The following OR14A2 variants were observed in gnomAD, a reference collection of about 807,000 sequenced individuals.
OR14A2 encodes olfactory receptor 14A2.
For missense variants in OR14A2, 237 were observed against 152.9 expected (o/e 1.55, Z -2.90); for synonymous variants, 114 against 58.6 (o/e 1.95, Z -4.32).
chr1:247,746,435 G>A, the OR14A2 span: 1 of 152,196 alleles, frequency 6.6e-6, no homozygotes, highest in Non-Finnish European at 1.5e-5. Flanking sequence ...TTATAAAGAA[G>A]AGAACCATGC....
the OR14A2 span, among the ~76,000 whole-genome samples, chr1:247,740,333 TTTAAC>T: frequency 5.3e-5 from 8 of 152,208 alleles, no homozygotes; most frequent in Non-Finnish European, 1.2e-4. Context: ...AAGTTGTAAT[TTTAAC>T]TTAAAGTTAT....
chr1:247,741,699 C>T, the OR14A2 span, among the ~76,000 whole-genome samples: 1 of 152,138 alleles, frequency 6.6e-6, no homozygotes, highest in Non-Finnish European at 1.5e-5. Flanking sequence ...TGCTGTTTTA[C>T]ATTCAAACCA....
At chr1:247,742,749 A>G in the OR14A2 span, among the ~76,000 whole-genome samples, 1 of 152,246 alleles carries the variant, frequency 6.6e-6, no homozygotes, top group African/African-American at 2.4e-5. Context: ...TGTGGAAATA[A>G]TGATTTGAGA....
At chr1:247,723,387 G>T (rs1468228025) in exon 1 of OR14A2, 1 of 717,554 alleles carries the variant, frequency 1.4e-6, no homozygotes, top group Admixed American at 2.0e-5. Flanking sequence ...CAGTGGAGAA[G>T]ATATAAATGT....
At chr1:247,736,772 T>C in the OR14A2 span, among the ~76,000 whole-genome samples, 1 of 152,122 alleles carries the variant, frequency 6.6e-6, no homozygotes, top group East Asian at 1.9e-4. Context: ...CCAGGTTTTA[T>C]TCCCCAGCAG....
the OR14A2 span, among the ~76,000 whole-genome samples, chr1:247,740,898 G>A: frequency 1.3e-5 from 2 of 152,174 alleles, no homozygotes; most frequent in African/African-American, 4.8e-5. Context: ...CTGAGACTGA[G>A]CATCTTTTTG....
the OR14A2 span, chr1:247,739,555 G>T: frequency 2.6e-6 from 2 of 771,654 alleles, no homozygotes; most frequent in Non-Finnish European, 4.8e-6. Context: ...GTAATGAAAA[G>T]ATGACTAAAG....
chr1:247,747,551 A>G, the OR14A2 span, among the ~76,000 whole-genome samples: 3 of 151,652 alleles, frequency 2.0e-5, no homozygotes, highest in Admixed American at 1.3e-4. Flanking sequence ...TTTGGTAGAG[A>G]GGGGGTTTCG....
the OR14A2 span, among the ~76,000 whole-genome samples, chr1:247,733,247 G>A: frequency 0.24 from 36,102 of 152,018 alleles, 6,878 homozygotes; most frequent in African/African-American, 0.53. Context: ...TTCCATAATA[G>A]TGGACTAAAG....
At chr1:247,723,685 C>T (rs1472988107) in exon 1 of OR14A2, 8 of 718,456 alleles carry the variant, frequency 1.1e-5, no homozygotes, top group South Asian at 3.0e-5. Context: ...GGCTACATAG[C>T]GGTCATAGGA....
At chr1:247,739,451 A>C in the OR14A2 span, 1 of 780,728 alleles carries the variant, frequency 1.3e-6, no homozygotes, top group East Asian at 2.4e-5. Flanking sequence ...ATTCTGTCGC[A>C]CCTCCAACCT....
upstream of OR14A2, among the ~76,000 whole-genome samples, chr1:247,725,512 TATTTTTTATTTATTTA>T (rs1158059428): frequency 4.0e-3 from 603 of 150,534 alleles, 4 homozygotes; most frequent in African/African-American, 0.014. Context: ...TTTATTTATT[TATTTTTTATTTATTTA>T]TTTTTTTTAT....
At chr1:247,743,031 A>G in the OR14A2 span, among the ~76,000 whole-genome samples, 1 of 152,246 alleles carries the variant, frequency 6.6e-6, no homozygotes, top group African/African-American at 2.4e-5. Flanking sequence ...TTAAAAATTG[A>G]TAGTCGATTC....
chr1:247,738,166 G>T, the OR14A2 span, among the ~76,000 whole-genome samples: 6 of 152,102 alleles, frequency 3.9e-5, no homozygotes, highest in African/African-American at 1.4e-4. Context: ...TGAGGATAAT[G>T]ACTATTTTAA....
At chr1:247,724,196 T>C (rs1319731807), upstream of OR14A2, among the ~76,000 whole-genome samples, 2 of 152,058 alleles carry the variant, frequency 1.3e-5, no homozygotes, top group Non-Finnish European at 2.9e-5. Context: ...CTACCTAAAA[T>C]GGCTCTCCAT....
At chr1:247,728,554 G>A (rs1219525790), upstream of OR14A2, among the ~76,000 whole-genome samples, 1 of 152,044 alleles carries the variant, frequency 6.6e-6, no homozygotes, top group African/African-American at 2.4e-5. Context: ...ATTCAACATA[G>A]TGTTGGAAGT....
At chr1:247,747,486 C>T in the OR14A2 span, among the ~76,000 whole-genome samples, 4 of 151,816 alleles carry the variant, frequency 2.6e-5, no homozygotes, top group Non-Finnish European at 4.4e-5. Context: ...CTCAGCCTCC[C>T]GAGTAGCTGG....
chr1:247,731,297 G>A, the OR14A2 span, among the ~76,000 whole-genome samples: 1 of 151,608 alleles, frequency 6.6e-6, no homozygotes, highest in South Asian at 2.1e-4. Flanking sequence ...ATGTTTTTCT[G>A]TTCTCTTTGT....
the OR14A2 span, among the ~76,000 whole-genome samples, chr1:247,729,510 C>G: frequency 2.6e-4 from 40 of 152,190 alleles, no homozygotes; most frequent in African/African-American, 8.7e-4. Flanking sequence ...GCTTGTAGCT[C>G]TGTTCCCCTT....
Sources: allele counts gnomAD v4.1 joint callset (sites outside exome capture counted in the v4.1 genomes callset), GRCh38; gene constraint gnomAD v4.1.1; transcripts MANE v1.5; gene names NCBI Gene and HGNC (gene_info 2026-07-23, HGNC 2026-07-21).